The following KCNIP4 variants were observed in gnomAD, a reference collection of about 807,000 sequenced individuals.
The protein encoded by KCNIP4 is Kv channel-interacting protein 4.
In KCNIP4, 12 loss-of-function variants were observed where a neutral mutation model predicts 34.0. The ratio of observed to expected loss-of-function variants is 0.35; its 90% CI spans 0.23 to 0.57. The LOEUF (loss-of-function observed/expected upper bound fraction) is 0.57, where lower values mean the gene tolerates loss of function less well. KCNIP4 is among the 20% of genes least tolerant of loss of function. The probability of loss-of-function intolerance (pLI) is 0.83; values close to 1 mark genes in which losing one functional copy is unlikely to be tolerated. For synonymous variants in KCNIP4, 124 were observed against 102.2 expected, an observed-to-expected ratio of 1.21 and a Z score of -1.29; for missense variants, 238 against 311.7, an observed-to-expected ratio of 0.76 and a Z score of 1.78.
At chr4:21,579,481 A>C (rs193098037) in intron 1 of KCNIP4, among the ~76,000 whole-genome samples, 2 of 152,260 alleles carry the variant, frequency 1.3e-5, no homozygotes, top group African/African-American at 4.8e-5. Context: ...CTTATTTGTA[A>C]ACTGCTTGCT....
intron 1 of KCNIP4, among the ~76,000 whole-genome samples, chr4:21,426,181 G>T (rs762431291): frequency 6.6e-6 from 1 of 152,098 alleles, no homozygotes; most frequent in Non-Finnish European, 1.5e-5. Context: ...AAATAAAGAG[G>T]CACAAAAGAC....
intron 1 of KCNIP4, among the ~76,000 whole-genome samples, chr4:21,104,253 C>T (rs1748262983): frequency 6.6e-6 from 1 of 151,896 alleles, no homozygotes; most frequent in Admixed American, 6.6e-5. Flanking sequence ...TCTCCAGCAC[C>T]TGTTTTTTCC....
chr4:21,126,598 G>A (rs548442691), intron 1 of KCNIP4, among the ~76,000 whole-genome samples: 1 of 130,334 alleles, frequency 7.7e-6, no homozygotes, highest in African/African-American at 3.1e-5. Flanking sequence ...TATCAACTTT[G>A]TTGAGAGAAG....
chr4:21,099,969 T>C (rs903442173), intron 1 of KCNIP4, among the ~76,000 whole-genome samples: 1 of 152,288 alleles, frequency 6.6e-6, no homozygotes, highest in African/African-American at 2.4e-5. Context: ...AATCTCATGA[T>C]CAAACTACAA....
chr4:21,629,156 GAAAAGGTTTGC>G (rs1225575635), intron 1 of KCNIP4, among the ~76,000 whole-genome samples: 2 of 152,136 alleles, frequency 1.3e-5, no homozygotes, highest in Admixed American at 6.5e-5. Flanking sequence ...CAATGCAAAA[GAAAAGGTTTGC>G]AAAGCAGTGC....
intron 1 of KCNIP4, among the ~76,000 whole-genome samples, chr4:21,182,341 G>T (rs746317763): frequency 6.6e-6 from 1 of 152,078 alleles, no homozygotes; most frequent in Non-Finnish European, 1.5e-5. Context: ...GGTCTCTTCA[G>T]GGGGACTGAC....
chr4:21,105,919 A>G (rs1463373442), intron 1 of KCNIP4, among the ~76,000 whole-genome samples: 1 of 151,354 alleles, frequency 6.6e-6, no homozygotes, highest in Non-Finnish European at 1.5e-5. Flanking sequence ...CATATATTGA[A>G]CCAGCCTTGC....
chr4:21,031,357 G>A lies in KCNIP4; in HGVS notation c.62-148648C>T, dbSNP rs1269109359. Among the ~76,000 whole-genome samples, 7 of 152,136 alleles carry A rather than the reference G, an allele frequency of 4.6e-5. No homozygotes were observed. In the East Asian group the frequency reaches 1.3e-3, roughly 29 times the overall value. ...CTTCTATTTTTGTACCCATTTTTGT[G>A]ATAAATTAATGTTTAGAGAGATGTT... is the stretch of plus-strand genomic sequence containing the variant. On this transcript the variant is annotated intron_variant, in intron 1 of 8. Transcript: ENST00000382152.
chr4:21,418,153 C>A (rs1381893279), intron 1 of KCNIP4, among the ~76,000 whole-genome samples: 2 of 152,048 alleles, frequency 1.3e-5, no homozygotes, highest in Non-Finnish European at 2.9e-5. Flanking sequence ...GTCTATCGAT[C>A]TACACACACA....
At chr4:20,817,372 C>G (rs1716537497) in intron 3 of KCNIP4, among the ~76,000 whole-genome samples, 1 of 152,166 alleles carries the variant, frequency 6.6e-6, no homozygotes, top group Non-Finnish European at 1.5e-5. Flanking sequence ...CTGGTTGGCC[C>G]TTCTTCATCA....
intron 1 of KCNIP4, among the ~76,000 whole-genome samples, chr4:21,581,750 T>C (rs1363324084): frequency 1.3e-5 from 2 of 151,942 alleles, no homozygotes; most frequent in African/African-American, 4.8e-5. Context: ...ACTTCTCACT[T>C]GAAGAACTGC....
intron 1 of KCNIP4, among the ~76,000 whole-genome samples, chr4:21,233,954 ATATATAACATATAT>A (rs1236935919): frequency 2.2e-5 from 3 of 138,532 alleles, no homozygotes; most frequent in East Asian, 2.0e-4. Context: ...TACATATAAC[ATATATAACATATAT>A]TATATAACAT....
At position 21,683,446 on chromosome 4, in the gene KCNIP4, A is replaced by ATTTTTTTTT. The variant is rs71191533; in HGVS notation, c.61+265116_61+265124dup. The stretch of plus-strand genomic sequence containing the variant: ...TACGACTAATGATTGGTGAAGCCAG[A>ATTTTTTTTT]TTTTTTTTTTTTTTTTTTTTTTTTT... On this transcript the variant is annotated intron_variant, in intron 1 of 8. Transcript: ENST00000382152. 4.3e-4 allele frequency among the ~76,000 whole-genome samples: 20 copies of ATTTTTTTTT among 46,616 alleles called. 7 individuals carry two copies. The highest frequency in any genetic ancestry group is 5.8e-4 in the Non-Finnish European group (14 of 24,002). 30.6% of individuals were successfully genotyped at this position (46,616 alleles called of 152,430 possible).
At chr4:21,582,197 A>C (rs1741285450) in intron 1 of KCNIP4, 1 of 151,984 alleles carries the variant, frequency 6.6e-6, no homozygotes, top group Admixed American at 6.6e-5. Context: ...ATAATGTAAA[A>C]TATATGTTCT....
At chr4:21,534,964 G>C (rs568592104) in intron 1 of KCNIP4, among the ~76,000 whole-genome samples, 1 of 151,896 alleles carries the variant, frequency 6.6e-6, no homozygotes, top group Non-Finnish European at 1.5e-5. Context: ...ATGCTGTATC[G>C]TTCCTCTCCA....
intron 1 of KCNIP4, among the ~76,000 whole-genome samples, chr4:21,233,147 G>T (rs1758921964): frequency 6.6e-6 from 1 of 152,134 alleles, no homozygotes; most frequent in African/African-American, 2.4e-5. Context: ...GAAATGCAAA[G>T]AACAGAGAAA....
At chr4:21,028,315 A>T (rs1340126265) in intron 1 of KCNIP4, among the ~76,000 whole-genome samples, 1 of 152,192 alleles carries the variant, frequency 6.6e-6, no homozygotes, top group Non-Finnish European at 1.5e-5. Flanking sequence ...ACCTTTTAAA[A>T]TAGAAGTCAG....
intron 1 of KCNIP4, among the ~76,000 whole-genome samples, chr4:20,954,804 G>T (rs766204975): frequency 1.3e-5 from 2 of 152,230 alleles, no homozygotes; most frequent in Non-Finnish European, 2.9e-5. Flanking sequence ...AAGTCTATTT[G>T]TCATCCCTGC....
At chr4:21,671,667 TC>T (rs1749511702) in intron 1 of KCNIP4, among the ~76,000 whole-genome samples, 1 of 152,206 alleles carries the variant, frequency 6.6e-6, no homozygotes, top group Non-Finnish European at 1.5e-5. Context: ...GAGCCCCTAT[TC>T]TGAGAACATG....
Sources: allele counts gnomAD v4.1 joint callset (sites outside exome capture counted in the v4.1 genomes callset), GRCh38; gene constraint gnomAD v4.1.1; transcripts MANE v1.5; gene names NCBI Gene and HGNC (gene_info 2026-07-23, HGNC 2026-07-21).